The following SLC4A4 variants were observed in gnomAD, a reference collection of about 807,000 sequenced individuals.
The protein encoded by SLC4A4 is electrogenic sodium bicarbonate cotransporter 1.
SLC4A4 carries 27 observed loss-of-function variants against 111.5 expected under a neutral mutation model. The observed-to-expected ratio is 0.24, with a 90% confidence interval of 0.18 to 0.33. The LOEUF (loss-of-function observed/expected upper bound fraction) is 0.33, where lower values mean the gene tolerates loss of function less well. SLC4A4 is among the 10% of genes least tolerant of loss of function. The probability of loss-of-function intolerance (pLI) is 1.00; values close to 1 mark genes in which losing one functional copy is unlikely to be tolerated. For synonymous variants in SLC4A4, 443 were observed against 463.4 expected (o/e 0.96, Z 0.57); for missense variants, 909 against 1,315.5 (o/e 0.69, Z 4.78).
At chr4:71,451,564 G>A (rs1044530919) in intron 11 of SLC4A4, among the ~76,000 whole-genome samples, 2 of 152,158 alleles carry the variant, frequency 1.3e-5, no homozygotes, top group African/African-American at 4.8e-5. Flanking sequence ...GAAAATTAAG[G>A]CAGAAGTAGG....
chr4:71,353,169 G>A (rs919542183), intron 5 of SLC4A4, among the ~76,000 whole-genome samples: 3 of 152,068 alleles, frequency 2.0e-5, no homozygotes, highest in South Asian at 2.1e-4. Context: ...TCAATTTTTC[G>A]TTACTTTTTA....
In SLC4A4 at chr4:71,435,801, GA is replaced by G. The variant is rs533149349; in HGVS notation, c.808-4808del. On this transcript the variant is annotated intron_variant, in intron 7 of 25. Coordinates refer to ENST00000264485, the MANE Select transcript of SLC4A4 (RefSeq NM_001098484.3). ...AGACATTTATGCGGCCAACAAACGTGAAAAAAAGCTCATCATCACTGGTCAT... is the reference window on the plus strand; with the variant it reads ...AGACATTTATGCGGCCAACAAACGTGAAAAAAGCTCATCATCACTGGTCAT... Among the ~76,000 whole-genome samples, 13 of 152,118 alleles carry G rather than the reference GA, an allele frequency of 8.5e-5. No individual in the cohort carries two copies. The East Asian group carries it at 2.3e-3, about 27-fold the overall frequency.
At chr4:71,424,968 T>C (rs950916550) in intron 7 of SLC4A4, among the ~76,000 whole-genome samples, 13 of 151,986 alleles carry the variant, frequency 8.6e-5, no homozygotes, top group Non-Finnish European at 1.6e-4. Flanking sequence ...TGTGCACGTG[T>C]ACCCTAAAAC....
intron 19 of SLC4A4, among the ~76,000 whole-genome samples, chr4:71,546,882 G>A (rs1367592957): frequency 6.6e-6 from 1 of 151,958 alleles, no homozygotes; most frequent in Non-Finnish European, 1.5e-5. Context: ...TGACTTTTAA[G>A]ATTCTGTAAT....
At chr4:71,450,292 G>A (rs1030221493) in intron 9 of SLC4A4, 97 bp from the exon 10 acceptor site, 4 of 875,972 alleles carry the variant, frequency 4.6e-6, no homozygotes, top group Non-Finnish European at 7.8e-6. Context: ...AATATTAATA[G>A]CACAGTTGTT....
chr4:71,500,587 C>T (rs772258686), intron 16 of SLC4A4, among the ~76,000 whole-genome samples: 10 of 152,026 alleles, frequency 6.6e-5, no homozygotes, highest in African/African-American at 1.2e-4. Context: ...CCCAAAGTGC[C>T]GGGATTACAG....
chr4:71,439,766 C>G (rs1433818836), intron 7 of SLC4A4, among the ~76,000 whole-genome samples: 3 of 151,818 alleles, frequency 2.0e-5, no homozygotes, highest in Non-Finnish European at 4.4e-5. Context: ...GTACCAAATA[C>G]TGTTTACATG....
intron 1 of SLC4A4, among the ~76,000 whole-genome samples, chr4:71,068,222 A>T (rs569819505): frequency 6.6e-6 from 1 of 151,874 alleles, no homozygotes; most frequent in East Asian, 1.9e-4. Context: ...GTGCCACCAC[A>T]TCTAGCTAAT....
intron 2 of SLC4A4, among the ~76,000 whole-genome samples, chr4:71,181,229 G>A (rs184265035): frequency 1.8e-5 from 2 of 109,118 alleles, no homozygotes; most frequent in African/African-American, 7.1e-5. Context: ...GTGGGGGGAG[G>A]GGGGAGGGAT....
chr4:71,236,434 A>G, intron 1 of SLC4A4, 142 bp from the exon 2 acceptor site: 1 of 796,092 alleles, frequency 1.3e-6, no homozygotes, highest in Non-Finnish European at 2.0e-6. Context: ...GTGAAGCAGT[A>G]GCAGACACCA....
intron 16 of SLC4A4, among the ~76,000 whole-genome samples, chr4:71,531,838 G>A (rs190011602): frequency 2.6e-5 from 4 of 150,962 alleles, no homozygotes; most frequent in South Asian, 2.1e-4. Context: ...AAGAGCGAGC[G>A]CAACCTGTTC....
intron 18 of SLC4A4, among the ~76,000 whole-genome samples, chr4:71,542,256 T>C (rs545135814): frequency 7.9e-4 from 120 of 152,238 alleles, no homozygotes; most frequent in African/African-American, 2.7e-3. Context: ...TTGTTCTCCA[T>C]AAACTCTCCC....
At chr4:71,155,628 T>C (rs1246813962) in intron 2 of SLC4A4, among the ~76,000 whole-genome samples, 1 of 151,966 alleles carries the variant, frequency 6.6e-6, no homozygotes, top group Non-Finnish European at 1.5e-5. Context: ...GCCCAGCTAA[T>C]TATTATTTTT....
intron 5 of SLC4A4, among the ~76,000 whole-genome samples, chr4:71,355,195 T>C (rs537253914): frequency 1.3e-5 from 2 of 152,112 alleles, no homozygotes; most frequent in Non-Finnish European, 2.9e-5. Context: ...AGGGTGAGAA[T>C]AGAGGGAGGC....
chr4:71,229,508 C>T (rs1276218187), intron 1 of SLC4A4, among the ~76,000 whole-genome samples: 1 of 151,956 alleles, frequency 6.6e-6, no homozygotes. Flanking sequence ...ACCTTTTATC[C>T]AGTTCTCTCA....
intron 7 of SLC4A4, among the ~76,000 whole-genome samples, chr4:71,421,848 G>A (rs1374311343): frequency 1.3e-5 from 2 of 151,950 alleles, no homozygotes; most frequent in Non-Finnish European, 2.9e-5. Flanking sequence ...TGTGTAGAGG[G>A]AAATTTATAG....
chr4:71,422,944 C>G (rs1462337987), intron 7 of SLC4A4, among the ~76,000 whole-genome samples: 3 of 152,198 alleles, frequency 2.0e-5, no homozygotes, highest in African/African-American at 7.2e-5. Context: ...GGGCTGCCCT[C>G]TCTCACCACT....
At chr4:71,091,545 A>G (rs10003287) in intron 1 of SLC4A4, among the ~76,000 whole-genome samples, 13,918 of 151,584 alleles carry the variant, frequency 0.092, 789 homozygotes, top group African/African-American at 0.16. Context: ...GAGCCACTGC[A>G]CCCGGCCTGG....
intron 3 of SLC4A4, among the ~76,000 whole-genome samples, chr4:71,324,726 T>A (rs150125347): frequency 2.8e-4 from 42 of 152,184 alleles, no homozygotes; most frequent in Non-Finnish European, 5.4e-4. Context: ...CCTGAATCCA[T>A]GTAACGTTTT....
Sources: gnomAD v4.1 joint callset for allele counts (sites outside exome capture counted in the v4.1 genomes callset) on GRCh38, gnomAD v4.1.1 for gene constraint, MANE v1.5 for transcripts, NCBI Gene and HGNC (gene_info 2026-07-23, HGNC 2026-07-21) for gene names.